Variants in MAP2 observed in about 807,000 individuals in gnomAD.
The protein encoded by MAP2 is microtubule-associated protein 2.
Under a neutral mutation model 137.6 loss-of-function variants are expected in MAP2, and 14 were observed. That is an observed-to-expected ratio of 0.10 (90% CI 0.07 to 0.16). The LOEUF (loss-of-function observed/expected upper bound fraction) is 0.16, where lower values mean the gene tolerates loss of function less well. MAP2 is among the 10% of genes least tolerant of loss of function. The pLI is 1.00. For synonymous variants in MAP2, 786 were observed against 782.3 expected (o/e 1.00, Z -0.08); for missense variants, 2,088 against 2,191.5 (o/e 0.95, Z 0.94).
At chr2:209,433,750 C>T (rs1203609464) in intron 1 of MAP2, among the ~76,000 whole-genome samples, 2 of 151,982 alleles carry the variant, frequency 1.3e-5, no homozygotes, top group South Asian at 2.1e-4. Context: ...AATGCTGTAA[C>T]GTAACTCAAA....
intron 13 of MAP2, among the ~76,000 whole-genome samples, chr2:209,723,184 G>A (rs972734401): frequency 1.1e-4 from 17 of 152,302 alleles, no homozygotes; most frequent in South Asian, 8.3e-4. Flanking sequence ...CTGATGGGGC[G>A]AGGGAATGGC....
Position 209,730,253 on chromosome 2 carries a change from A to G in MAP2, c.5340A>G (p.Thr1780=), listed in dbSNP as rs2075598800. 2 of 1,614,044 alleles carry G rather than the reference A, an allele frequency of 1.2e-6. No individual in the cohort carries two copies. Among genetic ancestry groups the G allele is most frequent in the Non-Finnish European group, 1.7e-6 (2 of 1,179,978 alleles). ...TGGACCATGGGGCTGAGATCATTAC[A>G]CAGTCCCCAGGCAGATCCAGCGTGG... is the stretch of plus-strand genomic sequence containing the variant. ...ARVDHGAEII[T]QSPGRSSVAS... Residue 1780 remains threonine, a synonymous_variant, in exon 16 of 16, where the codon ACA becomes ACG. Coordinates refer to ENST00000682079, the MANE Select transcript of MAP2 (RefSeq NM_001375505.1).
At chr2:209,528,791 T>C (rs1320459633) in intron 2 of MAP2, among the ~76,000 whole-genome samples, 1 of 148,264 alleles carries the variant, frequency 6.7e-6, no homozygotes, top group Admixed American at 6.7e-5. Context: ...TGTATGTATA[T>C]ATGTACATGT....
Position 209,693,490 on chromosome 2 carries a change from T to G in MAP2, c.1320T>G (p.Thr440=), listed in dbSNP as rs2059461569. Reference sequence around the variant, plus strand: ...AACCTATACTTACTGAAAAGGAAACTGAGCTGAAGCTTGAAGAAAAAACCA... The same window carrying G: ...AACCTATACTTACTGAAAAGGAAACGGAGCTGAAGCTTGAAGAAAAAACCA... ...GQEPILTEKE[T]ELKLEEKTTI... Residue 440 remains threonine (T), a synonymous_variant, in exon 8 of 16, where the codon ACT becomes ACG. Transcript: ENST00000682079. 6.2e-7 allele frequency: 1 copy of G among 1,612,934 alleles called. No individual in the cohort carries two copies. The highest frequency in any genetic ancestry group is 2.2e-5 in the East Asian group (1 of 44,864).
intron 2 of MAP2, among the ~76,000 whole-genome samples, chr2:209,573,768 T>G (rs2074842476): frequency 6.6e-6 from 1 of 152,178 alleles, no homozygotes; most frequent in African/African-American, 2.4e-5. Flanking sequence ...CCCTACGCAT[T>G]AGTTGTCACT....
chr2:209,597,836 G>T (rs1296860162), intron 3 of MAP2, among the ~76,000 whole-genome samples: 1 of 151,576 alleles, frequency 6.6e-6, no homozygotes, highest in Admixed American at 6.6e-5. Flanking sequence ...CTGAAGTCCT[G>T]CTTATTGGCT....
intron 1 of MAP2, among the ~76,000 whole-genome samples, chr2:209,434,790 C>G (rs1233331371): frequency 1.4e-5 from 2 of 146,100 alleles, no homozygotes; most frequent in African/African-American, 5.0e-5. Context: ...CCACTGTACT[C>G]CAGCCTGCAT....
intron 2 of MAP2, among the ~76,000 whole-genome samples, chr2:209,544,406 A>C (rs1162498387): frequency 6.6e-6 from 1 of 152,188 alleles, no homozygotes; most frequent in Non-Finnish European, 1.5e-5. Flanking sequence ...CACTTTGACT[A>C]TGAAAGGGAG....
At chr2:209,595,662 T>A (rs757298714) in intron 3 of MAP2, among the ~76,000 whole-genome samples, 27 of 152,356 alleles carry the variant, frequency 1.8e-4, no homozygotes, top group South Asian at 1.2e-3. Context: ...TGCACATGTA[T>A]GTTTATTGCG....
chr2:209,613,399 A>G (rs2087743048), intron 3 of MAP2, among the ~76,000 whole-genome samples: 1 of 152,208 alleles, frequency 6.6e-6, no homozygotes, highest in African/African-American at 2.4e-5. Flanking sequence ...TAAACAAAAG[A>G]AAACAAAACT....
chr2:209,680,925 G>T, intron 7 of MAP2, 98 bp downstream of exon 7: 1 of 826,262 alleles, frequency 1.2e-6, no homozygotes, highest in South Asian at 2.2e-5. Context: ...GTTAGTATGT[G>T]ACCAAGCTTT....
Position 209,642,428 on chromosome 2 carries a change from G to GAA in MAP2, c.-29-10701_-29-10700dup, listed in dbSNP as rs202048552. Among the ~76,000 whole-genome samples, 11 of 114,984 alleles carry GAA rather than the reference G, an allele frequency of 9.6e-5. No homozygotes were observed. The South Asian group carries it at 1.4e-3, about 15-fold the overall frequency. 75.4% of individuals were successfully genotyped at this position (114,984 alleles called of 152,430 possible). On this transcript the variant is annotated intron_variant, in intron 4 of 15. Coordinates refer to ENST00000682079, the MANE Select transcript of MAP2 (RefSeq NM_001375505.1). ...AGTGACAGTGTGAGACCCTGTCTTTGAAAAAAAAAAAAAAGAAAGAAAAAG... is the reference window on the plus strand; with the variant it reads ...AGTGACAGTGTGAGACCCTGTCTTTGAAAAAAAAAAAAAAAAGAAAGAAAAAG...
chr2:209,688,683 A>G lies in MAP2; in HGVS notation c.455-3942A>G, dbSNP rs538006389. On this transcript the variant is annotated intron_variant, in intron 7 of 15. Coordinates refer to ENST00000682079, the MANE Select transcript of MAP2 (RefSeq NM_001375505.1). ...AATTGGTTATCGTGAGGATAAAATA[A>G]GTAGGTGATGGGCTGCAATGTGTCT... 2.0e-5 allele frequency among the ~76,000 whole-genome samples: 3 copies of G among 152,326 alleles called. No individual in the cohort carries two copies. The South Asian group carries it at 6.2e-4, about 32-fold the overall frequency.
intron 1 of MAP2, among the ~76,000 whole-genome samples, chr2:209,456,974 CAT>C (rs1479329059): frequency 1.3e-5 from 2 of 152,014 alleles, no homozygotes; most frequent in African/African-American, 2.4e-5. Context: ...AACACACACA[CAT>C]GTACACACAC....
At chr2:209,642,390 G>C (rs923590273) in intron 4 of MAP2, among the ~76,000 whole-genome samples, 1 of 148,686 alleles carries the variant, frequency 6.7e-6, no homozygotes, top group Non-Finnish European at 1.5e-5. Flanking sequence ...TTGTGTCTCC[G>C]CATTCCAGCC....
chr2:209,643,561 A>G (rs1581841115), intron 4 of MAP2, among the ~76,000 whole-genome samples: 1 of 152,214 alleles, frequency 6.6e-6, no homozygotes, highest in East Asian at 1.9e-4. Flanking sequence ...TTGTAACTCA[A>G]TTTGAGATAT....
intron 3 of MAP2, among the ~76,000 whole-genome samples, chr2:209,605,049 G>T (rs966993014): frequency 3.3e-5 from 5 of 152,074 alleles, no homozygotes; most frequent in Non-Finnish European, 7.4e-5. Flanking sequence ...TATACTAAAA[G>T]AGTATATGCG....
chr2:209,505,632 T>TAGTATCAGGAGTTTGAGACCAGCCTGG (rs201233775), intron 1 of MAP2, among the ~76,000 whole-genome samples: 1 of 152,012 alleles, frequency 6.6e-6, no homozygotes, highest in African/African-American at 2.4e-5. Context: ...TGCTGCCTAA[T>TAGTATCAGGAGTTTGAGACCAGCCTGG]GGATACTGCT....
intron 5 of MAP2, among the ~76,000 whole-genome samples, chr2:209,659,239 T>C (rs139243770): frequency 1.0e-3 from 158 of 152,334 alleles, no homozygotes; most frequent in African/African-American, 3.7e-3. Context: ...TTCAAGACTC[T>C]TTTAGATGAG....
Sources: allele counts gnomAD v4.1 joint callset (sites outside exome capture counted in the v4.1 genomes callset), GRCh38; gene constraint gnomAD v4.1.1; transcripts MANE v1.5; gene names NCBI Gene and HGNC (gene_info 2026-07-23, HGNC 2026-07-21).